The following FAM219A variants were observed in gnomAD, a reference collection of about 807,000 sequenced individuals.
FAM219A encodes the protein protein FAM219A.
In FAM219A, 7 loss-of-function variants were observed where a neutral mutation model predicts 23.4. The ratio of observed to expected loss-of-function variants is 0.30; its 90% CI spans 0.17 to 0.56. The LOEUF is 0.56. Ranked by LOEUF, FAM219A falls within the 20% of genes least tolerant of loss-of-function variation. The pLI, the probability that FAM219A is intolerant of heterozygous loss-of-function variation, is 0.92. For synonymous variants in FAM219A, 93 were observed against 99.0 expected, an observed-to-expected ratio of 0.94 and a Z score of 0.36; for missense variants, 166 against 246.9, an observed-to-expected ratio of 0.67 and a Z score of 2.20.
intron 1 of FAM219A, among the ~76,000 whole-genome samples, chr9:34,425,094 C>T (rs146662981): frequency 1.1e-3 from 165 of 152,264 alleles, no homozygotes; most frequent in African/African-American, 3.8e-3. Flanking sequence ...CATGAGCCAC[C>T]GCGCCCAGCC....
chr9:34,405,923 G>A lies in FAM219A; in HGVS notation c.102C>T (p.Ala34=). The A allele has an allele frequency of 6.2e-7, 1 of 1,613,622 alleles. No individual in the cohort carries two copies. Among genetic ancestry groups the A allele is most frequent in the Non-Finnish European group, 8.5e-7 (1 of 1,179,762 alleles). The change falls in exon 2 of 6, where the codon GCC becomes GCT. Residue 34 remains alanine (A), a synonymous_variant. Transcript: ENST00000651358. ...TCATGGCTACTGACTCACCCTCCCG[G>A]GCGTCACAGTCTCCGTCAGAGATGG... ...AASISDGDCD[A]REGESVAMNY...
intron 1 of FAM219A, among the ~76,000 whole-genome samples, chr9:34,419,500 G>A (rs1416531522): frequency 6.6e-6 from 1 of 152,124 alleles, no homozygotes; most frequent in African/African-American, 2.4e-5. Flanking sequence ...GTGGATTCCA[G>A]TTCTTCAAGA....
intron 1 of FAM219A, among the ~76,000 whole-genome samples, chr9:34,447,445 G>A (rs1823412586): frequency 6.6e-6 from 1 of 152,200 alleles, no homozygotes; most frequent in Admixed American, 6.5e-5. Context: ...TCAGGGGTGA[G>A]AAACCTAAAA....
chr9:34,406,434 C>T (rs908506222), intron 1 of FAM219A: 56 of 985,374 alleles, frequency 5.7e-5, no homozygotes, highest in Non-Finnish European at 6.5e-5. Context: ...CTGGACAGGT[C>T]CCTTCACAGG....
intron 1 of FAM219A, among the ~76,000 whole-genome samples, chr9:34,445,537 C>T (rs1588072006): frequency 6.6e-6 from 1 of 152,050 alleles, no homozygotes; most frequent in East Asian, 1.9e-4. Context: ...CCTCAAGGTG[C>T]CAATAGGTGA....
At chr9:34,421,046 A>AGAGAGAGAGACAC (rs1482859044) in intron 1 of FAM219A, among the ~76,000 whole-genome samples, 1 of 33,114 alleles carries the variant, frequency 3.0e-5, no homozygotes, top group South Asian at 9.0e-4. Flanking sequence ...GAGAGAGAGA[A>AGAGAGAGAGACAC]TGGCTCTGCT....
rs1034016335 is a variant in FAM219A, at chr9:34,398,364, G to A, written c.*2600C>T. Reference sequence around the variant, plus strand: ...ACCTGGCTGGGTGGCAGCCACAGCTGAGAGAGGAGGGAGTGTTAAGGCAGT... The same window carrying A: ...ACCTGGCTGGGTGGCAGCCACAGCTAAGAGAGGAGGGAGTGTTAAGGCAGT... On this transcript the variant is annotated 3_prime_UTR_variant, in exon 6 of 6. Coordinates refer to ENST00000651358, the MANE Select transcript of FAM219A (RefSeq NM_001184940.2). The A allele has an allele frequency of 1.9e-6, 3 of 1,550,640 alleles. No individual in the cohort carries two copies. Among genetic ancestry groups the A allele is most frequent in the Non-Finnish European group, 2.6e-6 (3 of 1,146,956 alleles).
At chr9:34,421,464 A>G (rs1028350080) in intron 1 of FAM219A, among the ~76,000 whole-genome samples, 2 of 152,086 alleles carry the variant, frequency 1.3e-5, no homozygotes, top group African/African-American at 4.8e-5. Context: ...GGCTCAGGGC[A>G]GTAGAGAGCC....
chr9:34,433,319 C>A (rs943910961), intron 1 of FAM219A, among the ~76,000 whole-genome samples: 2 of 152,130 alleles, frequency 1.3e-5, no homozygotes, highest in Admixed American at 6.5e-5. Flanking sequence ...TCCTTTATCT[C>A]TATGGGAAAC....
intron 1 of FAM219A, among the ~76,000 whole-genome samples, chr9:34,418,215 A>AG (rs1491460048): frequency 1.3e-5 from 2 of 151,688 alleles, no homozygotes; most frequent in Non-Finnish European, 2.9e-5. Flanking sequence ...AAAAAAAAAA[A>AG]GGATTTGTTT....
chr9:34,402,361 A>T, intron 4 of FAM219A, 26 bp downstream of exon 4: 1 of 1,614,114 alleles, frequency 6.2e-7, no homozygotes, highest in Non-Finnish European at 8.5e-7. Flanking sequence ...TGGGCTGCCC[A>T]GCTACCCCCA....
chr9:34,401,067 T>A lies in FAM219A; in HGVS notation c.455A>T (p.Glu152Val), dbSNP rs748780577. Reference sequence around the variant, plus strand: ...GTCTAGGTCCTCGTCGTCGGGGATCTCATCTAACCGGTAGCCGTCCTTCAG... The same window carrying A: ...GTCTAGGTCCTCGTCGTCGGGGATCACATCTAACCGGTAGCCGTCCTTCAG... ...QLLKDGYRLDEIPDDEDLDLI... is the reference protein window; with the variant it reads ...QLLKDGYRLDVIPDDEDLDLI... The change falls in exon 6 of 6, where the codon GAG becomes GTG. Residue 152 changes from glutamate (E) to valine (V), a missense_variant. Glu to Val is a moderately radical substitution (Grantham distance 121, BLOSUM62 -2). Coordinates refer to ENST00000651358, the MANE Select transcript of FAM219A (RefSeq NM_001184940.2). The A allele has an allele frequency of 6.2e-7, 1 of 1,612,726 alleles. No homozygotes were observed. Among genetic ancestry groups the A allele is most frequent in the African/African-American group, 1.3e-5 (1 of 74,924 alleles).
chr9:34,435,256 G>A lies in FAM219A; in HGVS notation c.60+22948C>T, dbSNP rs147720382. ...AAGCTGGGGTGCATAGCAGGAACAA[G>A]ATTGTTTAGACAAGTGACACACAGG... is the stretch of plus-strand genomic sequence containing the variant. On this transcript the variant is annotated intron_variant, in intron 1 of 5. Coordinates refer to ENST00000651358, the MANE Select transcript of FAM219A (RefSeq NM_001184940.2). Among the ~76,000 whole-genome samples, 321 of 152,282 alleles carry A rather than the reference G, an allele frequency of 2.1e-3. 1 individual carries two copies. Among genetic ancestry groups the A allele is most frequent in the African/African-American group, 5.6e-3 (233 of 41,550 alleles).
Position 34,458,219 on chromosome 9 carries a change from C to A in FAM219A, c.45G>T (p.Ser15=), listed in dbSNP as rs1229407485. The A allele has an allele frequency of 1.9e-6, 3 of 1,589,876 alleles. No homozygotes were observed. The highest frequency in any genetic ancestry group is 8.5e-7 in the Non-Finnish European group (1 of 1,172,204). Residue 15 remains serine (S), a synonymous_variant, in exon 1 of 6, where the codon TCG becomes TCT. Coordinates refer to ENST00000651358, the MANE Select transcript of FAM219A (RefSeq NM_001184940.2). This position sits in a 1 kb window ranked among gnomAD's most constrained non-coding sequence, Gnocchi z 6.6. ...GCCCCCTCACCAGCGGCTGCATCTCCGAGTGCGCGGTGGGCACCTGGAACC... is the reference window on the plus strand; with the variant it reads ...GCCCCCTCACCAGCGGCTGCATCTCAGAGTGCGCGGTGGGCACCTGGAACC... ...IDRFQVPTAH[S]EMQPLDPAAA... is the part of the protein sequence containing the mutation.
chr9:34,405,701 C>A (rs988315566), intron 2 of FAM219A, among the ~76,000 whole-genome samples, 164 bp downstream of exon 2: 5 of 152,202 alleles, frequency 3.3e-5, no homozygotes, highest in Non-Finnish European at 5.9e-5. Flanking sequence ...TAACTGCCCT[C>A]TTTGCCTGCA....
chr9:34,450,308 CAA>C (rs35932974), intron 1 of FAM219A, among the ~76,000 whole-genome samples: 45 of 125,616 alleles, frequency 3.6e-4, no homozygotes, highest in East Asian at 6.7e-4. Flanking sequence ...GACCCTGTCT[CAA>C]AAAAAAAAAA....
intron 4 of FAM219A, among the ~76,000 whole-genome samples, chr9:34,402,082 G>A (rs1821462041): frequency 6.6e-6 from 1 of 151,858 alleles, no homozygotes; most frequent in South Asian, 2.1e-4. Context: ...GAGGGGATGG[G>A]GCATTAAGCA....
At chr9:34,411,096 G>A (rs980351545) in intron 1 of FAM219A, among the ~76,000 whole-genome samples, 2 of 152,280 alleles carry the variant, frequency 1.3e-5, no homozygotes, top group Admixed American at 6.5e-5. Flanking sequence ...ACATAGGTTG[G>A]AGCCTGGCTT....
At chr9:34,443,874 T>A (rs1823274387) in intron 1 of FAM219A, among the ~76,000 whole-genome samples, 2 of 152,128 alleles carry the variant, frequency 1.3e-5, no homozygotes, top group Non-Finnish European at 2.9e-5. Context: ...AATATGAGAT[T>A]CCATCAGGAA....
Sources: allele counts gnomAD v4.1 joint callset (sites outside exome capture counted in the v4.1 genomes callset), GRCh38; gene constraint gnomAD v4.1.1; non-coding constraint Gnocchi (gnomAD v3.1); transcripts MANE v1.5; gene names NCBI Gene and HGNC (gene_info 2026-07-23, HGNC 2026-07-21).